Variants in TBC1D17 observed in about 807,000 individuals in gnomAD.
The protein encoded by TBC1D17 is TBC1 domain family member 17.
A neutral mutation model predicts 78.8 loss-of-function variants in TBC1D17; 69 were observed. The observed-to-expected ratio is 0.88, with a 90% CI of 0.72 to 1.07. TBC1D17 has a LOEUF of 1.07. Ranked by LOEUF, TBC1D17 falls within the 50% of genes least tolerant of loss-of-function variation. TBC1D17 has a pLI of 0.00. For missense variants in TBC1D17, 957 were observed against 861.0 expected (o/e 1.11, Z -1.39); for synonymous variants, 456 against 358.3 (o/e 1.27, Z -3.08).
In TBC1D17 at chr19:49,887,559, C is replaced by G. The variant is rs202045956; in HGVS notation, c.1528C>G (p.Leu510Val). ...FKREFPFPDV[L>V]RLWEVLWTGL... ...GAGGGAATTCCCCTTCCCGGATGTCCTTCGGCTGTGGGAGGTGGGCCAGCC... is the reference window on the plus strand; with the variant it reads ...GAGGGAATTCCCCTTCCCGGATGTCGTTCGGCTGTGGGAGGTGGGCCAGCC... The change falls in exon 14 of 17, where the codon CTT becomes GTT. Residue 510 changes from leucine (L) to valine (V), a missense_variant. Transcript: ENST00000221543. 18 of 1,614,044 alleles carry G rather than the reference C, an allele frequency of 1.1e-5. No individual in the cohort carries two copies. The highest frequency in any genetic ancestry group is 1.3e-5 in the African/African-American group (1 of 74,948).
In TBC1D17 at chr19:49,887,752, A is replaced by C. The variant is rs946205711; in HGVS notation, c.1577A>C (p.His526Pro). Reference sequence around the variant, plus strand: ...ACAGGGCTCCCTGGCCCCAATCTGCACCTGCTGGTGGCCTGCGCCATCCTG... The same window carrying C: ...ACAGGGCTCCCTGGCCCCAATCTGCCCCTGCTGGTGGCCTGCGCCATCCTG... Reference protein sequence around the residue: ...LWTGLPGPNLHLLVACAILDM... With the variant: ...LWTGLPGPNLPLLVACAILDM... The change falls in exon 15 of 17, where the codon CAC becomes CCC. Residue 526 changes from histidine to proline, a missense_variant. Transcript: ENST00000221543. 6.2e-7 allele frequency: 1 copy of C among 1,613,280 alleles called. No homozygotes were observed.
At chr19:49,887,328 A>C in intron 13 of TBC1D17, 148 bp from the exon 14 acceptor site, 1 of 726,348 alleles carries the variant, frequency 1.4e-6, no homozygotes, top group South Asian at 1.7e-5. Context: ...GCCCGCGTTC[A>C]GGGCTGCTCC....
chr19:49,887,608 G>T (rs774332078), intron 14 of TBC1D17, 35 bp downstream of exon 14: 1 of 1,612,736 alleles, frequency 6.2e-7, no homozygotes, highest in South Asian at 1.1e-5. Flanking sequence ...GGCCTGAAGG[G>T]GTGGGCTCAC....
chr19:49,887,633 T>A lies in TBC1D17; in HGVS notation c.1542+60T>A. ...GGTGGGCTCACCTGCCCTGGGAGGT[T>A]GGGCGGAGAGGGACAGACCCTGGTG... On this transcript the variant is annotated intron_variant, in intron 14 of 16. Transcript: ENST00000221543. 2.5e-6 allele frequency: 4 copies of A among 1,609,986 alleles called. No homozygotes were observed. In the South Asian group the frequency reaches 4.4e-5, roughly 18 times the overall value.
chr19:49,886,260 AAAAG>A (rs2075057834), intron 13 of TBC1D17, among the ~76,000 whole-genome samples: 2 of 152,316 alleles, frequency 1.3e-5, no homozygotes, highest in South Asian at 2.1e-4. Context: ...GTCTCAAAAA[AAAAG>A]AAAAAAGAAA....
At chr19:49,885,340 G>A (rs1261077738) in intron 13 of TBC1D17, 1 of 154,812 alleles carries the variant, frequency 6.5e-6, no homozygotes, top group Non-Finnish European at 1.4e-5. Flanking sequence ...AGCTACTCAG[G>A]AGGCTGAGGC....
In TBC1D17 at chr19:49,877,843, C is replaced by G. The variant is rs746410998; in HGVS notation, c.21+99C>G. 8 of 1,413,562 alleles carry G rather than the reference C, an allele frequency of 5.7e-6. No individual in the cohort carries two copies. In the South Asian group the frequency reaches 6.5e-5, roughly 11 times the overall value. 87.6% of individuals were successfully genotyped at this position (1,413,562 alleles called of 1,614,324 possible). The stretch of plus-strand genomic sequence containing the variant: ...GGCCTTGGCTCTCGAGAATCCGGCA[C>G]GGCCTTGGCAAACACCGATCTCTTA... On this transcript the variant is annotated intron_variant, in intron 1 of 16. Coordinates refer to ENST00000221543, the MANE Select transcript of TBC1D17 (RefSeq NM_024682.3).
Position 49,881,344 on chromosome 19 carries a change from C to T in TBC1D17, c.396C>T (p.Ser132=), listed in dbSNP as rs761729190. 2.5e-6 allele frequency: 4 copies of T among 1,613,250 alleles called. No individual in the cohort carries two copies. Among genetic ancestry groups the T allele is most frequent in the Non-Finnish European group, 2.5e-6 (3 of 1,179,998 alleles). ...GGGAGCTAAAGTCCATCCGCCGCTCCAAGCCAGGCCTCAGCTGGGCCTACC... is the reference window on the plus strand; with the variant it reads ...GGGAGCTAAAGTCCATCCGCCGCTCTAAGCCAGGCCTCAGCTGGGCCTACC... ...SLGELKSIRR[S]KPGLSWAYLV... is the part of the protein sequence containing the mutation. The change falls in exon 5 of 17, where the codon TCC becomes TCT. Residue 132 remains serine (S), a synonymous_variant. Transcript: ENST00000221543.
intron 13 of TBC1D17, 158 bp from the exon 14 acceptor site, chr19:49,887,318 G>T (rs1328598580): frequency 1.1e-5 from 7 of 663,072 alleles, no homozygotes; most frequent in African/African-American, 9.0e-5. Context: ...GAGGGGCAGG[G>T]CCCGCGTTCA....
At position 49,887,721 on chromosome 19, in the gene TBC1D17, C is replaced by T. The variant is rs760190361; in HGVS notation, c.1546C>T (p.Leu516=). The change falls in exon 15 of 17, where the codon CTG becomes TTG. Residue 516 remains leucine (L), a synonymous_variant. Transcript: ENST00000221543. ...TCCCTCTGTCCCGCACCCTCAGGTG[C>T]TGTGGACAGGGCTCCCTGGCCCCAA... is the stretch of plus-strand genomic sequence containing the variant. ...FPDVLRLWEV[L]WTGLPGPNLH... is the part of the protein sequence containing the mutation. 1 of 1,613,754 alleles carries T rather than the reference C, an allele frequency of 6.2e-7. No individual in the cohort carries two copies. The highest frequency in any genetic ancestry group is 8.5e-7 in the Non-Finnish European group (1 of 1,179,816).
chr19:49,882,680 GCTCT>G (rs2075025762), intron 7 of TBC1D17, 80 bp from the exon 8 acceptor site: 1 of 1,444,482 alleles, frequency 6.9e-7, no homozygotes, highest in Non-Finnish European at 9.1e-7. Context: ...AAGCTAATAA[GCTCT>G]CTGAGCTTGT....
At position 49,880,322 on chromosome 19, in the gene TBC1D17, C is replaced by T. The variant is rs765774093; in HGVS notation, c.239C>T (p.Thr80Ile). The T allele has an allele frequency of 1.2e-6, 2 of 1,613,978 alleles. No individual in the cohort carries two copies. The highest frequency in any genetic ancestry group is 1.7e-5 in the Admixed American group (1 of 60,000). Residue 80 changes from threonine (T) to isoleucine (I), a missense_variant, in exon 4 of 17, where the codon ACC becomes ATC. Physicochemically the swap from Thr to Ile is moderately conservative, Grantham distance 89. Transcript: ENST00000221543. Reference sequence around the variant, plus strand: ...TCATGTGCTTCTGAGGAGGAACCAACCTTTGACCCCGGCTATGAACCTGAC... The same window carrying T: ...TCATGTGCTTCTGAGGAGGAACCAATCTTTGACCCCGGCTATGAACCTGAC... Reference protein sequence around the residue: ...GDSCASEEEPTFDPGYEPDWA... With the variant: ...GDSCASEEEPIFDPGYEPDWA...
At chr19:49,877,931 C>G in intron 1 of TBC1D17, 187 bp downstream of exon 1, 1 of 782,532 alleles carries the variant, frequency 1.3e-6, no homozygotes, top group South Asian at 1.9e-5. Context: ...CCCCGCCCCC[C>G]CGGCTCAGGC....
At position 49,878,168 on chromosome 19, in the gene TBC1D17, A is replaced by G. The variant is rs144737346; in HGVS notation, c.47A>G (p.Tyr16Cys). 1.3e-4 allele frequency: 200 copies of G among 1,577,674 alleles called. No homozygotes were observed. The highest frequency in any genetic ancestry group is 3.5e-4 in the South Asian group (30 of 86,058). Residue 16 changes from tyrosine (Y) to cysteine (C), a missense_variant, in exon 2 of 17, where the codon TAC becomes TGC. Physicochemically the swap from Tyr to Cys is radical, Grantham distance 194 (BLOSUM62 -2). Coordinates refer to ENST00000221543, the MANE Select transcript of TBC1D17 (RefSeq NM_024682.3). Reference protein sequence around the residue: ...YRVVFEKGGVYLHTSAKKYQD... With the variant: ...YRVVFEKGGVCLHTSAKKYQD... ...GTGGTGTTTGAGAAGGGCGGAGTGT[A>G]CCTGCACACCAGCGCTAAGAAGTAT...
Position 49,887,961 on chromosome 19 carries a change from G to C in TBC1D17, c.1659+127G>C, listed in dbSNP as rs1029609197. ...AGCCTGGTTAGTTGGGAGCGCAGTG[G>C]GGGTGGGGCCGCGTAGGTTTCCCTT... On this transcript the variant is annotated intron_variant, in intron 15 of 16. Coordinates refer to ENST00000221543, the MANE Select transcript of TBC1D17 (RefSeq NM_024682.3). 4.5e-5 allele frequency: 43 copies of C among 954,794 alleles called. No individual in the cohort carries two copies. The East Asian group carries it at 8.2e-4, about 18-fold the overall frequency. The allele number at this position is 954,794 out of a possible 1,614,324, so 59.1% of individuals were successfully genotyped here. A position where few individuals can be genotyped will look rare whatever the true frequency, so the allele number is the denominator to read the frequency against.
chr19:49,877,797 T>C, intron 1 of TBC1D17, 53 bp downstream of exon 1: 1 of 1,553,576 alleles, frequency 6.4e-7, no homozygotes, highest in Non-Finnish European at 8.7e-7. Flanking sequence ...ACGCCCCGTC[T>C]AGTGATCAGC....
chr19:49,882,734 G>A (rs2075026316), intron 7 of TBC1D17, 30 bp from the exon 8 acceptor site: 1 of 1,517,492 alleles, frequency 6.6e-7, no homozygotes, highest in African/African-American at 1.4e-5. Context: ...ACCCCGCCGA[G>A]CCCCAGGCTC....
chr19:49,887,393 G>A (rs1051915073), intron 13 of TBC1D17, 83 bp from the exon 14 acceptor site: 25 of 1,409,340 alleles, frequency 1.8e-5, no homozygotes, highest in Non-Finnish European at 2.4e-5. Flanking sequence ...TAGACTTGGG[G>A]AAGGTCTTCC....
intron 15 of TBC1D17, 186 bp from the exon 16 acceptor site, chr19:49,888,045 C>G: frequency 9.3e-7 from 1 of 1,076,990 alleles, no homozygotes; most frequent in South Asian, 1.5e-5. Flanking sequence ...TGGGGACCTT[C>G]CCTCCCCGAG....
Sources: gnomAD v4.1 joint callset for allele counts (sites outside exome capture counted in the v4.1 genomes callset) on GRCh38, gnomAD v4.1.1 for gene constraint, MANE v1.5 for transcripts, NCBI Gene and HGNC (gene_info 2026-07-23, HGNC 2026-07-21) for gene names.